The following SAXO1 variants were observed in gnomAD, a reference collection of about 807,000 sequenced individuals.
SAXO1 encodes 4930500O09Rik.
SAXO1 carries 21 observed loss-of-function variants against 17.5 expected under a neutral mutation model. The ratio of observed to expected loss-of-function variants is 1.20; its 90% CI spans 0.85 to 1.72. SAXO1 has a LOEUF of 1.72. Ranked by LOEUF, SAXO1 falls within the 40% of genes most tolerant of loss-of-function variation. SAXO1 has a pLI of 0.00. For missense variants in SAXO1, 843 were observed against 596.0 expected, an observed-to-expected ratio of 1.41 and a Z score of -4.32; for synonymous variants, 274 against 216.5, an observed-to-expected ratio of 1.27 and a Z score of -2.33.
intron 1 of SAXO1, among the ~76,000 whole-genome samples, chr9:18,979,836 A>G (rs554148235): frequency 6.6e-6 from 1 of 152,172 alleles, no homozygotes; most frequent in Non-Finnish European, 1.5e-5. Flanking sequence ...GAAAGACCTC[A>G]TTTTTCTTTT....
chr9:19,027,852 C>G, intron 1 of SAXO1: 1 of 1,404,816 alleles, frequency 7.1e-7, no homozygotes, highest in Non-Finnish European at 9.9e-7. Flanking sequence ...ATCCTGGACC[C>G]CGCCCTGCTA....
At chr9:19,035,951 G>C (rs1053151454), upstream of SAXO1, among the ~76,000 whole-genome samples, 1 of 152,096 alleles carries the variant, frequency 6.6e-6, no homozygotes, top group African/African-American at 2.4e-5. Flanking sequence ...TGGAAAATTT[G>C]CATCCTGACA....
chr9:19,031,015 C>G (rs968741162), intron 1 of SAXO1, among the ~76,000 whole-genome samples: 1 of 152,206 alleles, frequency 6.6e-6, no homozygotes, highest in Non-Finnish European at 1.5e-5. Flanking sequence ...AGAACAGACT[C>G]TGCTTCCAAT....
intron 1 of SAXO1, among the ~76,000 whole-genome samples, chr9:18,964,151 T>C (rs1166766775): frequency 6.6e-6 from 1 of 152,240 alleles, no homozygotes; most frequent in East Asian, 1.9e-4. Flanking sequence ...AGCTTTTTGA[T>C]GTGCTGCTCG....
At chr9:19,012,334 T>C (rs1834781388) in intron 1 of SAXO1, among the ~76,000 whole-genome samples, 1 of 152,266 alleles carries the variant, frequency 6.6e-6, no homozygotes, top group Non-Finnish European at 1.5e-5. Context: ...TGCAATCTCT[T>C]TAGGGACAGT....
intron 3 of SAXO1, among the ~76,000 whole-genome samples, chr9:18,937,347 A>G (rs979440873): frequency 1.3e-5 from 2 of 152,144 alleles, no homozygotes; most frequent in Non-Finnish European, 2.9e-5. Flanking sequence ...CTTGTAAACA[A>G]TGGTTCAGAA....
At chr9:19,036,000 C>T (rs1835925628), upstream of SAXO1, among the ~76,000 whole-genome samples, 4 of 151,278 alleles carry the variant, frequency 2.6e-5, no homozygotes, top group South Asian at 8.3e-4. Context: ...CAAACTAACA[C>T]AAGAACAGAA....
intron 3 of SAXO1, among the ~76,000 whole-genome samples, chr9:18,940,979 T>C (rs976938269): frequency 1.3e-5 from 2 of 152,228 alleles, no homozygotes; most frequent in African/African-American, 4.8e-5. Context: ...GTAACAGAAA[T>C]GGAGTAGTAA....
chr9:18,958,834 A>C (rs1176913790), intron 1 of SAXO1, among the ~76,000 whole-genome samples: 2 of 148,370 alleles, frequency 1.3e-5, no homozygotes, highest in Non-Finnish European at 3.0e-5. Context: ...ACAACAACGA[A>C]GCCATAAAAA....
chr9:18,949,635 C>CTAGAAGATG (rs1831944862), intron 2 of SAXO1, among the ~76,000 whole-genome samples: 1 of 151,638 alleles, frequency 6.6e-6, no homozygotes, highest in African/African-American at 2.4e-5. Context: ...TCCCGTGGAT[C>CTAGAAGATG]TAGAAGATGG....
At chr9:18,938,558 C>T (rs572432574) in intron 3 of SAXO1, among the ~76,000 whole-genome samples, 10 of 151,990 alleles carry the variant, frequency 6.6e-5, no homozygotes, top group East Asian at 1.9e-4. Context: ...CATCAAAAAC[C>T]GCCCCCATTA....
chr9:19,016,090 G>T (rs933886863), intron 1 of SAXO1, among the ~76,000 whole-genome samples: 3 of 152,072 alleles, frequency 2.0e-5, no homozygotes, highest in Non-Finnish European at 4.4e-5. Flanking sequence ...CCTCTCCAAG[G>T]ACAATAATAT....
chr9:18,951,348 A>C (rs1344656352), intron 1 of SAXO1, among the ~76,000 whole-genome samples: 1 of 152,170 alleles, frequency 6.6e-6, no homozygotes, highest in Non-Finnish European at 1.5e-5. Context: ...AGGGTGCTCC[A>C]AGGCTCTCCA....
chr9:18,982,471 C>CA (rs1277087367), intron 1 of SAXO1, among the ~76,000 whole-genome samples: 1 of 152,146 alleles, frequency 6.6e-6, no homozygotes, highest in Non-Finnish European at 1.5e-5. Context: ...TACAATGAAA[C>CA]ACACAAAACA....
intron 1 of SAXO1, among the ~76,000 whole-genome samples, chr9:18,954,840 C>A (rs1296858329): frequency 2.0e-5 from 3 of 150,774 alleles, no homozygotes; most frequent in African/African-American, 7.3e-5. Context: ...GACTCTCAGG[C>A]AATCCTAGAA....
chr9:19,003,003 C>T (rs1834339560), intron 1 of SAXO1, among the ~76,000 whole-genome samples: 1 of 152,344 alleles, frequency 6.6e-6, no homozygotes. Context: ...CCCATCATCT[C>T]AGCCCAAAAT....
At chr9:18,961,564 A>G (rs1174072948) in intron 1 of SAXO1, among the ~76,000 whole-genome samples, 2 of 149,524 alleles carry the variant, frequency 1.3e-5, no homozygotes, top group South Asian at 2.1e-4. Flanking sequence ...TTCAACTCCC[A>G]CTTATGAGTG....
chr9:18,968,260 G>A (rs1832807273), intron 1 of SAXO1, among the ~76,000 whole-genome samples: 1 of 152,166 alleles, frequency 6.6e-6, no homozygotes. Context: ...GGCCAGGCTG[G>A]TCTCGAACTC....
intron 1 of SAXO1, among the ~76,000 whole-genome samples, chr9:18,986,242 T>C (rs947307568): frequency 2.0e-5 from 3 of 152,206 alleles, no homozygotes; most frequent in African/African-American, 2.4e-5. Flanking sequence ...AATAATGGCA[T>C]GGCCTATTGG....
Sources: gnomAD v4.1 joint callset for allele counts (sites outside exome capture counted in the v4.1 genomes callset) on GRCh38, gnomAD v4.1.1 for gene constraint, MANE v1.5 for transcripts, NCBI Gene and HGNC (gene_info 2026-07-23, HGNC 2026-07-21) for gene names.